PRKN: variants seen among roughly 807,000 people sequenced by gnomAD.
PRKN encodes E3 ubiquitin-protein ligase parkin.
In PRKN, 56 loss-of-function variants were observed where a neutral mutation model predicts 59.5. The observed-to-expected ratio is 0.94, with a 90% CI of 0.76 to 1.18. PRKN has a LOEUF of 1.18. PRKN is among the 50% of genes most tolerant of loss of function. The probability of loss-of-function intolerance (pLI) is 0.00; values close to 1 mark genes in which losing one functional copy is unlikely to be tolerated. For synonymous variants in PRKN, 250 were observed against 222.1 expected, an observed-to-expected ratio of 1.13 and a Z score of -1.12; for missense variants, 657 against 596.4, an observed-to-expected ratio of 1.10 and a Z score of -1.06.
At chr6:162,329,812 T>G (rs1783491347) in intron 2 of PRKN, among the ~76,000 whole-genome samples, 1 of 152,150 alleles carries the variant, frequency 6.6e-6, no homozygotes, top group Admixed American at 6.6e-5. Context: ...GAAAGGTAAT[T>G]TAAGTACTTG....
intron 4 of PRKN, among the ~76,000 whole-genome samples, chr6:162,155,586 T>G (rs1782478397): frequency 6.6e-6 from 1 of 152,106 alleles, no homozygotes; most frequent in South Asian, 2.1e-4. Flanking sequence ...TATCATAGTT[T>G]TATAAAAGTG....
intron 3 of PRKN, among the ~76,000 whole-genome samples, chr6:162,226,525 G>C (rs532176490): frequency 1.3e-5 from 2 of 152,104 alleles, no homozygotes; most frequent in Non-Finnish European, 2.9e-5. Context: ...GGAACACCAA[G>C]AATTTTGTTT....
At chr6:161,370,356 G>A (rs1482080623) in intron 10 of PRKN, among the ~76,000 whole-genome samples, 4 of 151,496 alleles carry the variant, frequency 2.6e-5, no homozygotes, top group South Asian at 4.2e-4. Context: ...AGGCCGAGGC[G>A]GGTGGATCAC....
Position 161,359,974 on chromosome 6 carries a change from C to T in PRKN, c.1285+114G>A, listed in dbSNP as rs140259757. 63 of 816,680 alleles carry T rather than the reference C, an allele frequency of 7.7e-5. No homozygotes were observed. In the East Asian group the frequency reaches 1.5e-3, roughly 19 times the overall value. 50.6% of individuals were successfully genotyped at this position (816,680 alleles called of 1,614,324 possible). A position where few individuals can be genotyped will look rare whatever the true frequency, so the allele number is the denominator to read the frequency against. On this transcript the variant is annotated intron_variant, in intron 11 of 11. Coordinates refer to ENST00000366898, the MANE Select transcript of PRKN (RefSeq NM_004562.3). This position sits in a 1 kb window ranked among gnomAD's most constrained non-coding sequence, Gnocchi z 5.4. Reference sequence around the variant, plus strand: ...GGGTAACATTAATCGAGGGGTTACCCAACACACCAGGCACCTTCAGACAGC... The same window carrying T: ...GGGTAACATTAATCGAGGGGTTACCTAACACACCAGGCACCTTCAGACAGC...
intron 1 of PRKN, among the ~76,000 whole-genome samples, chr6:162,623,902 C>A (rs919104805): frequency 6.6e-6 from 1 of 152,076 alleles, no homozygotes; most frequent in Non-Finnish European, 1.5e-5. Flanking sequence ...TGCTTCACAG[C>A]CTAGCTTCAT....
intron 1 of PRKN, among the ~76,000 whole-genome samples, chr6:162,613,071 T>A (rs529722498): frequency 6.6e-6 from 1 of 152,336 alleles, no homozygotes; most frequent in East Asian, 1.9e-4. Context: ...GGAGATACTA[T>A]CATTATTATT....
At chr6:161,591,642 C>T (rs1237523819) in intron 7 of PRKN, among the ~76,000 whole-genome samples, 4 of 152,110 alleles carry the variant, frequency 2.6e-5, no homozygotes, top group Admixed American at 6.5e-5. Context: ...TTCAAATATC[C>T]GAAGGTAAGG....
chr6:161,527,484 TG>T lies in PRKN; in HGVS notation c.1083+21369del, dbSNP rs1215283976. On this transcript the variant is annotated intron_variant, in intron 9 of 11. Transcript: ENST00000366898. The surrounding 1 kb of genome is among the most constrained non-coding windows in gnomAD (Gnocchi z 4.6). ...CAACCTGCTGGATGCTATGCCCACA[TG>T]AGGGAGGGGTGCCTTCTAATTCACA... Among the ~76,000 whole-genome samples, 3 of 152,154 alleles carry T rather than the reference TG, an allele frequency of 2.0e-5. No homozygotes were observed. The highest frequency in any genetic ancestry group is 1.3e-4 in the Admixed American group (2 of 15,280).
chr6:162,183,704 G>A (rs796148883), intron 4 of PRKN, among the ~76,000 whole-genome samples: 1 of 152,150 alleles, frequency 6.6e-6, no homozygotes, highest in South Asian at 2.1e-4. Flanking sequence ...GCATGACCAA[G>A]GCAAGGCCTG....
intron 4 of PRKN, among the ~76,000 whole-genome samples, chr6:162,194,513 T>A (rs763040625): frequency 6.3e-4 from 96 of 152,288 alleles, no homozygotes; most frequent in Non-Finnish European, 1.1e-3. Flanking sequence ...CTTACAATTT[T>A]AAATTCCTTC....
At chr6:161,759,235 C>A (rs1419557975) in intron 7 of PRKN, among the ~76,000 whole-genome samples, 2 of 151,952 alleles carry the variant, frequency 1.3e-5, no homozygotes, top group Non-Finnish European at 2.9e-5. Flanking sequence ...ATCAAAATTC[C>A]TTCAAGTTGT....
intron 1 of PRKN, among the ~76,000 whole-genome samples, chr6:162,531,013 C>T (rs1045925675): frequency 3.4e-4 from 48 of 139,876 alleles, no homozygotes; most frequent in African/African-American, 4.5e-4. Context: ...ACCAAGATCA[C>T]ACCACTGCAC....
chr6:161,431,550 ATTGT>A (rs1562444340), intron 9 of PRKN, among the ~76,000 whole-genome samples: 2 of 152,050 alleles, frequency 1.3e-5, no homozygotes, highest in Non-Finnish European at 2.9e-5. Context: ...ACAAATTAAA[ATTGT>A]TTGCTAGCTG....
At chr6:161,949,980 G>A (rs28392951) in intron 6 of PRKN, among the ~76,000 whole-genome samples, 14,145 of 152,264 alleles carry the variant, frequency 0.093, 813 homozygotes, top group African/African-American at 0.15. Context: ...TAAAAGGAAG[G>A]TGGGAGATTG....
chr6:162,169,529 A>T (rs1783159953), intron 4 of PRKN, among the ~76,000 whole-genome samples: 1 of 152,228 alleles, frequency 6.6e-6, no homozygotes, highest in Non-Finnish European at 1.5e-5. Flanking sequence ...GACAAACCAT[A>T]AATGTGCAAA....
At chr6:161,835,033 C>T (rs1792688322) in intron 6 of PRKN, among the ~76,000 whole-genome samples, 1 of 152,114 alleles carries the variant, frequency 6.6e-6, no homozygotes, top group Non-Finnish European at 1.5e-5. Flanking sequence ...CCCGCTGTGG[C>T]CAAGTCGCTC....
At chr6:161,514,916 C>T (rs1168303001) in intron 9 of PRKN, among the ~76,000 whole-genome samples, 6 of 152,122 alleles carry the variant, frequency 3.9e-5, no homozygotes, top group African/African-American at 1.4e-4. Flanking sequence ...TCCCCTGAAG[C>T]CAAGGGTGTC....
chr6:161,831,503 G>A (rs1427955179), intron 6 of PRKN, among the ~76,000 whole-genome samples: 5 of 152,160 alleles, frequency 3.3e-5, no homozygotes, highest in Non-Finnish European at 5.9e-5. Flanking sequence ...CCCAGGCTCC[G>A]TGGAGGTTCC....
intron 1 of PRKN, among the ~76,000 whole-genome samples, chr6:162,691,649 A>G (rs1173457867): frequency 1.3e-5 from 2 of 152,200 alleles, no homozygotes; most frequent in Non-Finnish European, 2.9e-5. Context: ...GAAAAAATTA[A>G]CTTTCGGTGA....
Sources: gnomAD v4.1 joint callset for allele counts (sites outside exome capture counted in the v4.1 genomes callset) on GRCh38, gnomAD v4.1.1 for gene constraint, Gnocchi (gnomAD v3.1) non-coding constraint, MANE v1.5 for transcripts, NCBI Gene and HGNC (gene_info 2026-07-23, HGNC 2026-07-21) for gene names.